The following PRKAR1A variants were observed in gnomAD, a reference collection of about 807,000 sequenced individuals.
PRKAR1A encodes cAMP-dependent protein kinase type I-alpha regulatory subunit.
A neutral mutation model predicts 52.0 loss-of-function variants in PRKAR1A; 3 were observed. The observed-to-expected ratio is 0.06, with a 90% confidence interval of 0.03 to 0.15. The LOEUF is 0.15. PRKAR1A is among the 10% of genes least tolerant of loss of function. The pLI, the probability that PRKAR1A is intolerant of heterozygous loss-of-function variation, is 1.00. For synonymous variants in PRKAR1A, 188 were observed against 168.4 expected (o/e 1.12, Z -0.90); for missense variants, 240 against 477.4 (o/e 0.50, Z 4.63).
chr17:68,444,506 A>G, the PRKAR1A span: 19 of 1,613,706 alleles, frequency 1.2e-5, no homozygotes, highest in African/African-American at 2.0e-4. Context: ...TTGGGTTTGC[A>G]GGAATATCCA....
intron 8 of PRKAR1A, chr17:68,528,666 G>A (rs2085867758): frequency 3.2e-6 from 2 of 634,044 alleles, no homozygotes; most frequent in Admixed American, 2.9e-5. Flanking sequence ...GGCTACCGAA[G>A]TAAGGATCTA....
At chr17:68,470,696 C>T in the PRKAR1A span, among the ~76,000 whole-genome samples, 1 of 152,106 alleles carries the variant, frequency 6.6e-6, no homozygotes, top group African/African-American at 2.4e-5. Flanking sequence ...CATCCACATA[C>T]AAACAAAAAA....
intron 9 of PRKAR1A, 62 bp downstream of exon 9, chr17:68,529,053 T>C: frequency 1.3e-6 from 2 of 1,598,922 alleles, no homozygotes; most frequent in South Asian, 2.2e-5. Flanking sequence ...TTTAATACTT[T>C]AAAAAGTTGT....
rs1011777843 is a variant in PRKAR1A at position 68,542,557 on chromosome 17, G to A, written c.974-8527G>A. The A allele has an allele frequency of 8.1e-6, 6 of 743,404 alleles. No homozygotes were observed. The South Asian group carries it at 8.6e-5, about 11-fold the overall frequency. The allele number at this position is 743,404 out of a possible 1,614,324, so 46.1% of individuals were successfully genotyped here. On this transcript the variant is annotated intron_variant, in intron 11 of 11. Transcript: ENST00000585981. ...TGGTCAGGCAGACCATGGTGGGAGT[G>A]TCTTACAACTTCATACGCCCATCCC...
chr17:68,435,625 C>T, the PRKAR1A span: 20 of 1,613,978 alleles, frequency 1.2e-5, no homozygotes, highest in East Asian at 4.5e-4. Context: ...CTCACTTTTT[C>T]AGACGCACTT....
At chr17:68,464,636 G>A in the PRKAR1A span, among the ~76,000 whole-genome samples, 2 of 151,206 alleles carry the variant, frequency 1.3e-5, no homozygotes, top group African/African-American at 2.4e-5. Context: ...AGCCGAGATC[G>A]TGCCGCCGCA....
intron 11 of PRKAR1A, chr17:68,541,081 G>C (rs2086268951): frequency 6.8e-7 from 1 of 1,463,862 alleles, no homozygotes; most frequent in South Asian, 1.3e-5. Flanking sequence ...GCTGGTGGCA[G>C]CTTCTAAAAT....
At chr17:68,417,824 A>G in the PRKAR1A span, among the ~76,000 whole-genome samples, 118,292 of 144,700 alleles carry the variant, frequency 0.82, 48,389 homozygotes, top group African/African-American at 0.91. Flanking sequence ...CTCGGCTCCC[A>G]GGTTCACGTG....
intron 11 of PRKAR1A, chr17:68,541,904 G>T: frequency 6.6e-7 from 1 of 1,504,374 alleles, no homozygotes; most frequent in Non-Finnish European, 9.0e-7. Context: ...AGATTCAAAA[G>T]CCAAGCTAGC....
intron 4 of PRKAR1A, 46 bp from the exon 5 acceptor site, chr17:68,523,970 G>GAATTAATGACATGT: frequency 1.9e-6 from 3 of 1,604,152 alleles, no homozygotes; most frequent in Non-Finnish European, 2.6e-6. Flanking sequence ...TGAAATTCAC[G>GAATTAATGACATGT]GAAGAGACAT....
intron 2 of PRKAR1A, among the ~76,000 whole-genome samples, chr17:68,520,945 T>A (rs532532138): frequency 3.3e-5 from 5 of 152,274 alleles, no homozygotes; most frequent in African/African-American, 9.6e-5. Context: ...TTATTTTATT[T>A]TTATTATTAT....
chr17:68,533,537 C>A, downstream of PRKAR1A: 1 of 663,688 alleles, frequency 1.5e-6, no homozygotes, highest in Non-Finnish European at 1.9e-6. Context: ...TAAATATTGA[C>A]ATTTAAAAAT....
chr17:68,430,071 A>G, the PRKAR1A span: 1 of 1,614,192 alleles, frequency 6.2e-7, no homozygotes, highest in Non-Finnish European at 8.5e-7. Flanking sequence ...CTGATGCATC[A>G]TGTCTGACAC....
chr17:68,544,341 G>C (rs1391768357), intron 11 of PRKAR1A, among the ~76,000 whole-genome samples: 1 of 152,158 alleles, frequency 6.6e-6, no homozygotes, highest in Non-Finnish European at 1.5e-5. Context: ...ATGAATTCCT[G>C]AAAAGCGCCA....
the PRKAR1A span, chr17:68,427,233 G>T: frequency 1.2e-6 from 2 of 1,613,948 alleles, no homozygotes; most frequent in Non-Finnish European, 1.7e-6. Context: ...ATTCTCTTCT[G>T]TTGTTCCTGA....
At chr17:68,521,581 T>G (rs1483767866) in intron 2 of PRKAR1A, among the ~76,000 whole-genome samples, 1 of 152,278 alleles carries the variant, frequency 6.6e-6, no homozygotes, top group East Asian at 1.9e-4. Context: ...TATACCTGTG[T>G]TAATATGAAA....
chr17:68,450,691 C>G, the PRKAR1A span: 6 of 1,571,736 alleles, frequency 3.8e-6, no homozygotes, highest in African/African-American at 8.2e-5. Flanking sequence ...CTCCCGTTAG[C>G]AGAAGCTTTG....
the PRKAR1A span, among the ~76,000 whole-genome samples, chr17:68,433,971 C>T: frequency 4.0e-5 from 6 of 151,756 alleles, no homozygotes; most frequent in African/African-American, 9.7e-5. Context: ...TTAGTAGAGA[C>T]GGTGTTTCAC....
the PRKAR1A span, among the ~76,000 whole-genome samples, chr17:68,416,721 G>A: frequency 1.3e-5 from 2 of 151,936 alleles, no homozygotes; most frequent in African/African-American, 2.4e-5. Context: ...CCTTGTCTTC[G>A]AGCTCTGAAT....
Sources: gnomAD v4.1 joint callset for allele counts (sites outside exome capture counted in the v4.1 genomes callset) on GRCh38, gnomAD v4.1.1 for gene constraint, MANE v1.5 for transcripts, NCBI Gene and HGNC (gene_info 2026-07-23, HGNC 2026-07-21) for gene names.